Variants in CD226 observed in about 807,000 individuals in gnomAD.
The protein encoded by CD226 is CD226 antigen.
In CD226, 24 loss-of-function variants were observed where a neutral mutation model predicts 34.9. The observed-to-expected ratio is 0.69, with a 90% confidence interval of 0.50 to 0.97. The LOEUF (loss-of-function observed/expected upper bound fraction) is 0.97, where lower values mean the gene tolerates loss of function less well. Among genes scored for constraint, CD226 ranks in the 50% least tolerant of loss-of-function variants. The pLI is 0.00. For missense variants in CD226, 397 were observed against 412.7 expected (o/e 0.96, Z 0.33); for synonymous variants, 148 against 147.4 (o/e 1.00, Z -0.03).
chr18:69,932,449 C>G (rs2055600756), intron 2 of CD226, among the ~76,000 whole-genome samples: 1 of 152,180 alleles, frequency 6.6e-6, no homozygotes, highest in Non-Finnish European at 1.5e-5. Context: ...TGAATGCCCC[C>G]TCTTCTAAGC....
chr18:69,912,706 T>C (rs1350956006), intron 2 of CD226, among the ~76,000 whole-genome samples: 1 of 152,216 alleles, frequency 6.6e-6, no homozygotes, highest in Non-Finnish European at 1.5e-5. Flanking sequence ...TGAGGACTTA[T>C]TATCTGCTTG....
At chr18:69,933,386 G>T (rs2055612386) in intron 2 of CD226, among the ~76,000 whole-genome samples, 1 of 152,104 alleles carries the variant, frequency 6.6e-6, no homozygotes, top group East Asian at 1.9e-4. Context: ...TGTTTCTTGT[G>T]ATGCACTTTC....
At chr18:69,875,115 T>C (rs1475899436) in intron 3 of CD226, among the ~76,000 whole-genome samples, 3 of 152,094 alleles carry the variant, frequency 2.0e-5, no homozygotes, top group Non-Finnish European at 4.4e-5. Context: ...CTGGTTCATA[T>C]GATAGCTTTA....
upstream of CD226, among the ~76,000 whole-genome samples, chr18:69,950,999 GTGTGTGTGT>G (rs1384576424): frequency 9.9e-5 from 15 of 151,264 alleles, no homozygotes; most frequent in South Asian, 2.3e-3. Context: ...GTGTGTGTGT[GTGTGTGTGT>G]GTGTGTAGAG....
chr18:69,872,860 C>A (rs922186689), intron 4 of CD226, among the ~76,000 whole-genome samples: 2 of 152,156 alleles, frequency 1.3e-5, no homozygotes, highest in African/African-American at 4.8e-5. Context: ...CACACCACCC[C>A]CTCGCTGTCA....
intron 3 of CD226, among the ~76,000 whole-genome samples, chr18:69,873,639 G>A (rs1449679691): frequency 6.6e-6 from 1 of 151,748 alleles, no homozygotes; most frequent in Non-Finnish European, 1.5e-5. Context: ...AGAGGTTTAG[G>A]AGAGGGGATC....
Position 69,862,192 on chromosome 18 carries a change from T to A in CD226, c.*2122A>T, listed in dbSNP as rs1982864586. ...ATACTGTCCCTTCCACACCCAGTCATAATTTTCTCTCTTAAAATTGGATTT... is the reference window on the plus strand; with the variant it reads ...ATACTGTCCCTTCCACACCCAGTCAAAATTTTCTCTCTTAAAATTGGATTT... On this transcript the variant is annotated 3_prime_UTR_variant, in exon 6 of 6. Transcript: ENST00000582621. 6.6e-6 allele frequency: 1 copy of A among 152,192 alleles called. No individual in the cohort carries two copies. Among genetic ancestry groups the A allele is most frequent in the African/African-American group, 2.4e-5 (1 of 41,460 alleles). 9.4% of individuals were successfully genotyped at this position (152,192 alleles called of 1,614,324 possible).
At chr18:69,953,832 T>C (rs1274122080) in intron 1 of CD226, among the ~76,000 whole-genome samples, 1 of 152,034 alleles carries the variant, frequency 6.6e-6, no homozygotes, top group Non-Finnish European at 1.5e-5. Flanking sequence ...AAACCCCGAC[T>C]CTACTAAAAA....
In CD226 at chr18:69,871,681, T is replaced by C. The variant is rs115382923; in HGVS notation, c.830+1463A>G. 5.7e-3 allele frequency among the ~76,000 whole-genome samples: 872 copies of C among 152,306 alleles called. 10 individuals are homozygous for C. Among genetic ancestry groups the C allele is most frequent in the African/African-American group, 0.02 (835 of 41,560 alleles). ...CAAATGTGGGGAAACAGCACTTTGGTAGCAAACCAGATGGGGAGAGCAATG... is the reference window on the plus strand; with the variant it reads ...CAAATGTGGGGAAACAGCACTTTGGCAGCAAACCAGATGGGGAGAGCAATG... On this transcript the variant is annotated intron_variant, in intron 4 of 5. Transcript: ENST00000582621.
At chr18:69,895,292 T>C (rs1426889551) in intron 3 of CD226, among the ~76,000 whole-genome samples, 1 of 152,214 alleles carries the variant, frequency 6.6e-6, no homozygotes, top group African/African-American at 2.4e-5. Flanking sequence ...TTCAGCCATA[T>C]CAACCTAGCA....
intron 3 of CD226, among the ~76,000 whole-genome samples, chr18:69,888,933 A>C (rs1297420237): frequency 6.6e-6 from 1 of 152,202 alleles, no homozygotes; most frequent in Non-Finnish European, 1.5e-5. Context: ...TATGTATAAA[A>C]AATGACTGCA....
At chr18:69,958,615 G>A (rs1358686863), upstream of CD226, among the ~76,000 whole-genome samples, 1 of 152,138 alleles carries the variant, frequency 6.6e-6, no homozygotes, top group Non-Finnish European at 1.5e-5. Flanking sequence ...TCACAATAGG[G>A]TGAATGCAAA....
At chr18:69,946,278 AAG>A (rs2055791540) in intron 2 of CD226, among the ~76,000 whole-genome samples, 1 of 151,522 alleles carries the variant, frequency 6.6e-6, no homozygotes, top group South Asian at 2.1e-4. Context: ...GAAAGAAAGA[AAG>A]AGAAAAAGAA....
Position 69,855,284 on chromosome 18 carries a change from T to A in CD226, c.*9030A>T, listed in dbSNP as rs936130376. 2 of 151,370 alleles carry A rather than the reference T, an allele frequency of 1.3e-5. No homozygotes were observed. The highest frequency in any genetic ancestry group is 4.9e-5 in the African/African-American group (2 of 41,146). The allele number at this position is 151,370 out of a possible 1,614,324, so 9.4% of individuals were successfully genotyped here. On this transcript the variant is annotated 3_prime_UTR_variant, in exon 6 of 6. Coordinates refer to ENST00000582621, the MANE Select transcript of CD226 (RefSeq NM_001303618.2). Reference sequence around the variant, plus strand: ...TCTCATGAAAAAAATAGACAACAGATGGATAATGTAAGAAGAAAGATGGAA... The same window carrying A: ...TCTCATGAAAAAAATAGACAACAGAAGGATAATGTAAGAAGAAAGATGGAA...
chr18:69,915,098 T>C (rs2055369713), intron 2 of CD226, among the ~76,000 whole-genome samples: 1 of 152,198 alleles, frequency 6.6e-6, no homozygotes, highest in Non-Finnish European at 1.5e-5. Flanking sequence ...CATTTCATTT[T>C]ATCCCTCTCA....
At position 69,862,225 on chromosome 18, in the gene CD226, C is replaced by G. The variant is rs1238877910; in HGVS notation, c.*2089G>C. ...TCTCTTAAAATTGGATTTATATTTC[C>G]CCATACTACAACTGTAAAAATGTTT... On this transcript the variant is annotated 3_prime_UTR_variant, in exon 6 of 6. Transcript: ENST00000582621. 8.5e-5 allele frequency: 13 copies of G among 152,048 alleles called. No homozygotes were observed. Among genetic ancestry groups the G allele is most frequent in the African/African-American group, 2.9e-4 (12 of 41,424 alleles). The allele number at this position is 152,048 out of a possible 1,614,324, so 9.4% of individuals were successfully genotyped here.
chr18:69,867,790 T>A (rs1983243971), intron 4 of CD226, among the ~76,000 whole-genome samples: 1 of 152,100 alleles, frequency 6.6e-6, no homozygotes, highest in African/African-American at 2.4e-5. Context: ...CAGTGTAACT[T>A]CTTGGATGAC....
Position 69,856,428 on chromosome 18 carries a change from G to A in CD226, c.*7886C>T, listed in dbSNP as rs1432406929. 1 of 152,162 alleles carries A rather than the reference G, an allele frequency of 6.6e-6. No homozygotes were observed. Among genetic ancestry groups the A allele is most frequent in the Non-Finnish European group, 1.5e-5 (1 of 68,022 alleles). 9.4% of individuals were successfully genotyped at this position (152,162 alleles called of 1,614,324 possible). A position where few individuals can be genotyped will look rare whatever the true frequency, so the allele number is the denominator to read the frequency against. ...AAGAGGGAAAATCAGAAAGGATATA[G>A]ATAATCTGAACGGTGGTATCAATCA... On this transcript the variant is annotated 3_prime_UTR_variant, in exon 6 of 6. Coordinates refer to ENST00000582621, the MANE Select transcript of CD226 (RefSeq NM_001303618.2).
At chr18:69,895,315 G>C (rs770767321) in intron 3 of CD226, among the ~76,000 whole-genome samples, 1 of 152,172 alleles carries the variant, frequency 6.6e-6, no homozygotes, top group Non-Finnish European at 1.5e-5. Context: ...GTCTTGTATT[G>C]CTGGGGTATG....
Sources: gnomAD v4.1 joint callset for allele counts (sites outside exome capture counted in the v4.1 genomes callset) on GRCh38, gnomAD v4.1.1 for gene constraint, MANE v1.5 for transcripts, NCBI Gene and HGNC (gene_info 2026-07-23, HGNC 2026-07-21) for gene names.